The following SMIM31 variants were observed in gnomAD, a reference collection of about 807,000 sequenced individuals.
SMIM31 encodes human epithelial cell program regulator.
At chr4:164,783,090 C>T (rs1048887710) in intron 2 of SMIM31, among the ~76,000 whole-genome samples, 1 of 150,678 alleles carries the variant, frequency 6.6e-6, no homozygotes, top group African/African-American at 2.5e-5. Flanking sequence ...CGTTGGCACA[C>T]GCTTGTAGTC....
intron 2 of SMIM31, among the ~76,000 whole-genome samples, chr4:164,781,714 G>A (rs1732951375): frequency 6.6e-6 from 1 of 152,042 alleles, no homozygotes; most frequent in African/African-American, 2.4e-5. Context: ...CCCTGGAGAG[G>A]CCAAGGTTTT....
At chr4:164,783,078 C>G (rs80243958) in intron 2 of SMIM31, among the ~76,000 whole-genome samples, 12,529 of 151,428 alleles carry the variant, frequency 0.083, 1,365 homozygotes, top group African/African-American at 0.25. Flanking sequence ...ATTAGCCAGG[C>G]ACGTTGGCAC....
rs1301527919 is a variant in SMIM31 at position 164,763,089 on chromosome 4, G to A, written c.-25-7330G>A. Reference sequence around the variant, plus strand: ...AAAGTTATTCACAACATTATATACAGTGTATATACCCTTATGAAGGGGAAA... The same window carrying A: ...AAAGTTATTCACAACATTATATACAATGTATATACCCTTATGAAGGGGAAA... On this transcript the variant is annotated intron_variant, in intron 1 of 2. Coordinates refer to ENST00000507311, the MANE Select transcript of SMIM31 (RefSeq NM_001352885.1). Among the ~76,000 whole-genome samples, 42 of 152,154 alleles carry A rather than the reference G, an allele frequency of 2.8e-4. 1 individual carries two copies. Among genetic ancestry groups the A allele is most frequent in the Non-Finnish European group, 4.4e-5 (3 of 68,038 alleles).
intron 1 of SMIM31, among the ~76,000 whole-genome samples, chr4:164,757,814 A>AAT: frequency 1.0e-5 from 1 of 97,892 alleles, no homozygotes; most frequent in Non-Finnish European, 2.5e-5. Flanking sequence ...TCTTTTGATT[A>AAT]CTAAAGTTTA....
At chr4:164,757,820 G>GT (rs34942290) in intron 1 of SMIM31, among the ~76,000 whole-genome samples, 88,483 of 151,874 alleles carry the variant, frequency 0.58, 26,234 homozygotes, top group Admixed American at 0.65. Context: ...GATTACTAAA[G>GT]TTTATAGTAA....
intron 1 of SMIM31, among the ~76,000 whole-genome samples, chr4:164,763,781 T>G (rs1469999524): frequency 6.6e-6 from 1 of 152,212 alleles, no homozygotes; most frequent in African/African-American, 2.4e-5. Flanking sequence ...AGGCATAGAA[T>G]ACCTGCTTAT....
chr4:164,770,164 G>A (rs1012446634), intron 1 of SMIM31, among the ~76,000 whole-genome samples: 26 of 152,276 alleles, frequency 1.7e-4, no homozygotes, highest in African/African-American at 6.0e-4. Context: ...ACAAAGCTGT[G>A]TAAAGGTAAA....
At chr4:164,778,293 G>A (rs556679194) in intron 2 of SMIM31, among the ~76,000 whole-genome samples, 1 of 151,764 alleles carries the variant, frequency 6.6e-6, no homozygotes, top group East Asian at 1.9e-4. Context: ...AATCAAGTAG[G>A]GAAGCTACAA....
chr4:164,780,298 A>ATG, intron 2 of SMIM31, among the ~76,000 whole-genome samples: 1 of 152,010 alleles, frequency 6.6e-6, no homozygotes, highest in East Asian at 2.0e-4. Flanking sequence ...GTGGTGGCGC[A>ATG]TGCCTGTAGT....
At chr4:164,774,237 A>G (rs890993370) in intron 2 of SMIM31, among the ~76,000 whole-genome samples, 3 of 152,046 alleles carry the variant, frequency 2.0e-5, no homozygotes, top group Admixed American at 2.0e-4. Context: ...ACTTGTATTC[A>G]CTTAATCCAC....
intron 1 of SMIM31, among the ~76,000 whole-genome samples, chr4:164,757,950 A>C: frequency 6.7e-6 from 1 of 150,148 alleles, no homozygotes; most frequent in Non-Finnish European, 1.5e-5. Flanking sequence ...AAAAAGCATG[A>C]TAAGATTATG....
chr4:164,783,158 T>A (rs1414099864), intron 2 of SMIM31, among the ~76,000 whole-genome samples: 1 of 140,398 alleles, frequency 7.1e-6, no homozygotes, highest in African/African-American at 2.7e-5. Context: ...GTGGAGGTTG[T>A]GGTGAGCCGA....
At chr4:164,783,548 A>T (rs917975567) in intron 2 of SMIM31, among the ~76,000 whole-genome samples, 9 of 140,806 alleles carry the variant, frequency 6.4e-5, no homozygotes, top group Non-Finnish European at 1.1e-4. Flanking sequence ...AAAAAAAAAA[A>T]GGAATTTCCA....
At chr4:164,785,047 A>G (rs1733009941) in intron 2 of SMIM31, among the ~76,000 whole-genome samples, 1 of 151,898 alleles carries the variant, frequency 6.6e-6, no homozygotes, top group Non-Finnish European at 1.5e-5. Flanking sequence ...AACGTGGCAA[A>G]ACCTTGTCTC....
At chr4:164,794,452 C>A (rs1733160996) in intron 2 of SMIM31, among the ~76,000 whole-genome samples, 1 of 152,002 alleles carries the variant, frequency 6.6e-6, no homozygotes, top group Non-Finnish European at 1.5e-5. Flanking sequence ...TTTCCACAAT[C>A]TTTAGTGTAA....
At chr4:164,772,782 G>T (rs1220904244) in intron 2 of SMIM31, among the ~76,000 whole-genome samples, 2 of 151,384 alleles carry the variant, frequency 1.3e-5, no homozygotes, top group Non-Finnish European at 3.0e-5. Context: ...GTTTCACCGT[G>T]TTAGCCGGGA....
chr4:164,782,581 G>T (rs1275128196), intron 2 of SMIM31, among the ~76,000 whole-genome samples: 3 of 110,596 alleles, frequency 2.7e-5, no homozygotes, highest in East Asian at 2.3e-4. Context: ...GGTTTTCACC[G>T]TGTTAGCCAG....
intron 2 of SMIM31, among the ~76,000 whole-genome samples, chr4:164,774,630 A>G (rs1732856756): frequency 6.6e-6 from 1 of 152,228 alleles, no homozygotes; most frequent in African/African-American, 2.4e-5. Flanking sequence ...AATGTGTCAG[A>G]AAAGTGATGC....
chr4:164,788,292 T>G (rs920651632), intron 2 of SMIM31, among the ~76,000 whole-genome samples: 2 of 152,030 alleles, frequency 1.3e-5, no homozygotes, highest in Non-Finnish European at 2.9e-5. Context: ...CAGGGATATA[T>G]GCACTTTGTT....
Sources: gnomAD v4.1 joint callset for allele counts (sites outside exome capture counted in the v4.1 genomes callset) on GRCh38, gnomAD v4.1.1 for gene constraint, MANE v1.5 for transcripts, NCBI Gene and HGNC (gene_info 2026-07-23, HGNC 2026-07-21) for gene names.